The following OR4N2 variants were observed in gnomAD, a reference collection of about 807,000 sequenced individuals.
The protein encoded by OR4N2 is olfactory receptor family 4 subfamily N member 2, also known as olfactory receptor 4N2.
For synonymous variants in OR4N2, 141 were observed against 140.4 expected, an observed-to-expected ratio of 1.00 and a Z score of -0.03; for missense variants, 307 against 377.6, an observed-to-expected ratio of 0.81 and a Z score of 1.55.
chr14:19,806,697 A>C (rs1366663602), intron 1 of OR4N2, among the ~76,000 whole-genome samples: 1 of 152,176 alleles, frequency 6.6e-6, no homozygotes, highest in African/African-American at 2.4e-5. Flanking sequence ...TAAATTTGAC[A>C]CTTGACTAAT....
chr14:19,805,873 A>C (rs1780892), intron 1 of OR4N2, among the ~76,000 whole-genome samples: 12,465 of 149,734 alleles, frequency 0.083, 104 homozygotes, highest in East Asian at 0.18. Flanking sequence ...TAGCAGCAGA[A>C]CTTTCAGCAG....
intron 1 of OR4N2, among the ~76,000 whole-genome samples, chr14:19,807,960 A>G (rs1460645563): frequency 6.6e-6 from 1 of 152,230 alleles, no homozygotes; most frequent in African/African-American, 2.4e-5. Flanking sequence ...GATTCATCAC[A>G]TAAACATAAT....
chr14:19,822,110 A>G (rs1216313298), intron 1 of OR4N2: 1 of 152,274 alleles, frequency 6.6e-6, no homozygotes, highest in Non-Finnish European at 1.5e-5. Context: ...TCAGAGTATT[A>G]GCAGGAATAG....
chr14:19,807,215 CAG>C (rs1372487260), intron 1 of OR4N2, among the ~76,000 whole-genome samples: 89 of 150,712 alleles, frequency 5.9e-4, no homozygotes, highest in African/African-American at 2.0e-3. Flanking sequence ...AGCAGAATAA[CAG>C]ATATAACTAC....
chr14:19,814,353 T>A (rs1485614942), intron 1 of OR4N2, among the ~76,000 whole-genome samples: 1 of 152,212 alleles, frequency 6.6e-6, no homozygotes, highest in Non-Finnish European at 1.5e-5. Flanking sequence ...TTCTATCCTA[T>A]ACCAAGAAAC....
chr14:19,825,389 T>C (rs1344221995), intron 1 of OR4N2, among the ~76,000 whole-genome samples: 1 of 152,244 alleles, frequency 6.6e-6, no homozygotes, highest in African/African-American at 2.4e-5. Context: ...TTTGCTTGTT[T>C]GTTTTGATTT....
At chr14:19,814,953 A>G (rs1879388571) in intron 1 of OR4N2, among the ~76,000 whole-genome samples, 2 of 152,216 alleles carry the variant, frequency 1.3e-5, no homozygotes, top group South Asian at 4.1e-4. Flanking sequence ...TAGTTTGCTG[A>G]GAATGATGGT....
intron 1 of OR4N2, among the ~76,000 whole-genome samples, chr14:19,804,343 A>G (rs1476663835): frequency 1.6e-4 from 25 of 151,564 alleles, no homozygotes; most frequent in African/African-American, 5.8e-4. Flanking sequence ...TTCTTTAGTG[A>G]TATAAACTTA....
At chr14:19,804,786 G>T (rs1028039684) in intron 1 of OR4N2, among the ~76,000 whole-genome samples, 4 of 152,202 alleles carry the variant, frequency 2.6e-5, no homozygotes, top group African/African-American at 9.6e-5. Flanking sequence ...AATACTGTCA[G>T]TGGGGTGTTG....
In OR4N2 at chr14:19,827,873, A is replaced by T. The variant is rs1224238203; in HGVS notation, c.425A>T (p.Tyr142Phe). The T allele has an allele frequency of 6.2e-7, 1 of 1,614,220 alleles. No homozygotes were observed. The highest frequency in any genetic ancestry group is 8.5e-7 in the Non-Finnish European group (1 of 1,180,042). The change falls in exon 2 of 2, where the codon TAT (tyrosine) becomes TTT (phenylalanine). Residue 142 changes from tyrosine (Y) to phenylalanine (F), a missense_variant. Physicochemically the swap from Tyr to Phe is conservative, Grantham distance 22 (BLOSUM62 3). Coordinates refer to ENST00000557677, the MANE Select transcript of OR4N2 (RefSeq NM_001004723.3). Reference sequence around the variant, plus strand: ...ACTGTCATGAACCCTAGAACCTGCTATGCAATGATGTTGGCTCTGTGGCTT... The same window carrying T: ...ACTGTCATGAACCCTAGAACCTGCTTTGCAATGATGTTGGCTCTGTGGCTT... The part of the protein sequence containing the change: ...YPTVMNPRTC[Y>F]AMMLALWLGG...
intron 1 of OR4N2, among the ~76,000 whole-genome samples, chr14:19,804,279 G>T (rs561425328): frequency 1.3e-5 from 2 of 151,744 alleles, no homozygotes; most frequent in South Asian, 4.2e-4. Flanking sequence ...AGTTTCTCTC[G>T]GTGTGATGTT....
chr14:19,805,360 A>G (rs1644429860), intron 1 of OR4N2, among the ~76,000 whole-genome samples: 1 of 152,208 alleles, frequency 6.6e-6, no homozygotes, highest in South Asian at 2.1e-4. Flanking sequence ...AAAATGACAG[A>G]AGAGCTGAAA....
At chr14:19,820,242 G>T (rs532162481) in intron 1 of OR4N2, among the ~76,000 whole-genome samples, 1 of 152,246 alleles carries the variant, frequency 6.6e-6, no homozygotes, top group African/African-American at 2.4e-5. Context: ...GGATCTCCTG[G>T]ATTCATTGAT....
chr14:19,823,147 C>G (rs529323405), intron 1 of OR4N2, among the ~76,000 whole-genome samples: 1 of 152,344 alleles, frequency 6.6e-6, no homozygotes, highest in Non-Finnish European at 1.5e-5. Context: ...CTGATTCACA[C>G]TTTTTAGAAA....
At chr14:19,821,587 C>A (rs111450379) in intron 1 of OR4N2, among the ~76,000 whole-genome samples, 4 of 152,314 alleles carry the variant, frequency 2.6e-5, no homozygotes, top group African/African-American at 9.6e-5. Context: ...TTACTTCTCT[C>A]AAACTTCTAT....
chr14:19,806,451 G>A (rs1262857367), intron 1 of OR4N2, among the ~76,000 whole-genome samples: 2 of 151,814 alleles, frequency 1.3e-5, no homozygotes, highest in Non-Finnish European at 3.0e-5. Context: ...TATGAAACAA[G>A]CCAACAACAA....
chr14:19,828,216 C>T lies in OR4N2; in HGVS notation c.768C>T (p.Phe256=). The T allele has an allele frequency of 6.2e-7, 1 of 1,613,618 alleles. No homozygotes were observed. Among genetic ancestry groups the T allele is most frequent in the East Asian group, 2.2e-5 (1 of 44,814 alleles). The stretch of plus-strand genomic sequence containing the variant: ...TCTTCATGTTTGGACCTGGCATCTT[C>T]ATCTACACGCGCCCCTTCAGGGCTT... ...VIFFMFGPGI[F]IYTRPFRAFP... Residue 256 remains phenylalanine (F), a synonymous_variant, in exon 2 of 2, where the codon TTC becomes TTT. Transcript: ENST00000557677.
chr14:19,827,598 G>A lies in OR4N2; in HGVS notation c.150G>A (p.Lys50=). 3.7e-6 allele frequency: 6 copies of A among 1,614,162 alleles called. No individual in the cohort carries two copies. Among genetic ancestry groups the A allele is most frequent in the Non-Finnish European group, 5.1e-6 (6 of 1,180,004 alleles). Residue 50 remains lysine, a synonymous_variant, in exon 2 of 2, where the codon AAG becomes AAA. Coordinates refer to ENST00000557677, the MANE Select transcript of OR4N2 (RefSeq NM_001004723.3). ...PGNFLIIFTI[K]SDPGLTAPLY... ...ATTTTCTCATTATTTTCACCATAAA[G>A]TCAGACCCTGGGCTCACAGCCCCCC...
Position 19,828,061 on chromosome 14 carries a change from C to T in OR4N2, c.613C>T (p.Leu205=), listed in dbSNP as rs2138485372. 1.2e-6 allele frequency: 2 copies of T among 1,614,236 alleles called. No individual in the cohort carries two copies. The highest frequency in any genetic ancestry group is 1.7e-6 in the Non-Finnish European group (2 of 1,180,054). ...GCTTCTGATGGTCTTCAACAGTGGC[C>T]TGATGACACTCCTGTGCTTTCTGGG... ...VELLMVFNSG[L]MTLLCFLGLL... Residue 205 remains leucine, a synonymous_variant, in exon 2 of 2, where the codon CTG becomes TTG. Transcript: ENST00000557677.
Sources: gnomAD v4.1 joint callset for allele counts (sites outside exome capture counted in the v4.1 genomes callset) on GRCh38, gnomAD v4.1.1 for gene constraint, MANE v1.5 for transcripts, NCBI Gene and HGNC (gene_info 2026-07-23, HGNC 2026-07-21) for gene names.